The following FBF1 variants were observed in gnomAD, a reference collection of about 807,000 sequenced individuals.
FBF1 encodes the protein Fas binding factor 1, also known as fas-binding factor 1.
A neutral mutation model predicts 147.2 loss-of-function variants in FBF1; 119 were observed. That is an observed-to-expected ratio of 0.81 (90% CI 0.70 to 0.94). FBF1 has a LOEUF of 0.94. Ranked by LOEUF, FBF1 falls within the 40% of genes least tolerant of loss-of-function variation. The pLI is 0.00. For synonymous variants in FBF1, 601 were observed against 609.0 expected (o/e 0.99, Z 0.19); for missense variants, 1,449 against 1,500.8 (o/e 0.97, Z 0.57).
rs202059312 is a variant in FBF1 at position 75,920,262 on chromosome 17, G to A, written c.1830+12C>T. On this transcript the variant is annotated intron_variant, in intron 18 of 29. Coordinates refer to ENST00000636174, the MANE Select transcript of FBF1 (RefSeq NM_001319193.2). ...CCCTGCCACCAGCACCAACGGCCCC[G>A]CTGCCCCTCACCTGGGCCTCCAGCT... 167 of 1,605,332 alleles carry A rather than the reference G, an allele frequency of 1.0e-4. No individual in the cohort carries two copies. The highest frequency in any genetic ancestry group is 2.2e-5 in the East Asian group (1 of 44,730).
intron 4 of FBF1, among the ~76,000 whole-genome samples, chr17:75,933,439 G>C (rs946897963): frequency 6.6e-6 from 1 of 152,194 alleles, no homozygotes; most frequent in Non-Finnish European, 1.5e-5. Context: ...GTGGTGGTGG[G>C]TGCCTGTAAT....
intron 1 of FBF1, chr17:75,940,521 G>T (rs2065656824): frequency 6.6e-6 from 1 of 152,652 alleles, no homozygotes; most frequent in South Asian, 2.1e-4. Flanking sequence ...CTCCCAAAGT[G>T]TCGGGATTAC....
intron 13 of FBF1, among the ~76,000 whole-genome samples, chr17:75,924,435 G>C (rs2065547937): frequency 1.3e-5 from 2 of 152,170 alleles, no homozygotes; most frequent in Admixed American, 1.3e-4. Context: ...TGCTGAACCT[G>C]GGAAAGGATG....
At chr17:75,936,641 CT>C (rs1292127236) in intron 3 of FBF1, among the ~76,000 whole-genome samples, 5 of 151,936 alleles carry the variant, frequency 3.3e-5, no homozygotes, top group African/African-American at 1.2e-4. Flanking sequence ...CGCCATTGCA[CT>C]CTACCCCGGG....
Position 75,933,076 on chromosome 17 carries a change from T to C in FBF1, c.86A>G (p.Glu29Gly), listed in dbSNP as rs758196763. 9 of 1,601,454 alleles carry C rather than the reference T, an allele frequency of 5.6e-6. No homozygotes were observed. The South Asian group carries it at 9.9e-5, about 18-fold the overall frequency. Residue 29 changes from glutamate (E) to glycine (G), a missense_variant, in exon 5 of 30, where the codon GAG becomes GGG. Transcript: ENST00000636174. The part of the protein sequence containing the change: ...DLLGDDMTLP[E>G]KPVKLASHTR... Reference sequence around the variant, plus strand: ...ATGTGAAGCTAGTTTAACAGGCTTCTCAGGTAGTGTCACTGGAAAAAAAGA... The same window carrying C: ...ATGTGAAGCTAGTTTAACAGGCTTCCCAGGTAGTGTCACTGGAAAAAAAGA...
At position 75,928,538 on chromosome 17, in the gene FBF1, C is replaced by T. The variant is rs978696545; in HGVS notation, c.280-345G>A. Among the ~76,000 whole-genome samples, 6 of 151,930 alleles carry T rather than the reference C, an allele frequency of 3.9e-5. No individual in the cohort carries two copies. The highest frequency in any genetic ancestry group is 7.4e-5 in the Non-Finnish European group (5 of 68,002). On this transcript the variant is annotated intron_variant, in intron 7 of 29. Coordinates refer to ENST00000636174, the MANE Select transcript of FBF1 (RefSeq NM_001319193.2). This position sits in a 1 kb window ranked among gnomAD's most constrained non-coding sequence, Gnocchi z 4.2. The stretch of plus-strand genomic sequence containing the variant: ...TTTTTTAGACAGGATATTGGCCGGG[C>T]GCGGTGGCTCATGCCTAGAATCCCA...
Position 75,923,361 on chromosome 17 carries a change from AC to A in FBF1, c.1248del (p.Ser417ProfsTer22). On this transcript the variant is annotated frameshift_variant, in exon 14 of 30. Coordinates refer to ENST00000636174, the MANE Select transcript of FBF1 (RefSeq NM_001319193.2). LOFTEE classifies it high-confidence loss of function. This position sits in a 1 kb window ranked among gnomAD's most constrained non-coding sequence, Gnocchi z 4.1. ...GAAGCCTGGCTGGCTTTGGCAGGGG[AC>A]CCTGCACCTTCAGTTGGTGGCTTTG... Reference protein sequence around the residue: ...SRAKPPTEGAGSPAKASQASK... With the variant: ...SRAKPPTEGAXSPAKASQASK... 5 of 1,605,028 alleles carry A rather than the reference AC, an allele frequency of 3.1e-6. No individual in the cohort carries two copies. Among genetic ancestry groups the A allele is most frequent in the Non-Finnish European group, 4.3e-6 (5 of 1,176,382 alleles).
In FBF1 at chr17:75,917,982, TGGTGAGGTGCGAGGC is replaced by T. The variant is rs770147244; in HGVS notation, c.2320_2334del (p.Ala774_Thr778del). The T allele has an allele frequency of 1.2e-6, 2 of 1,609,472 alleles. No homozygotes were observed. Among genetic ancestry groups the T allele is most frequent in the South Asian group, 2.2e-5 (2 of 90,650 alleles). On this transcript the variant is annotated inframe_deletion, in exon 22 of 30. Transcript: ENST00000636174. Reference sequence around the variant, plus strand: ...ATCCCCAGCTCCCGCTCCTGGGAGGTGGTGAGGTGCGAGGCCTCCACGCGGGAGGACAACTCGTGC... The same window carrying T: ...ATCCCCAGCTCCCGCTCCTGGGAGGTCTCCACGCGGGAGGACAACTCGTGC...
chr17:75,938,895 A>G (rs1416377978), intron 1 of FBF1, among the ~76,000 whole-genome samples: 1 of 151,728 alleles, frequency 6.6e-6, no homozygotes, highest in Admixed American at 6.6e-5. Context: ...GTTTAACAGC[A>G]TGAATCCAAG....
At chr17:75,921,841 C>CGGGGAT (rs1342107792) in intron 15 of FBF1, 104 bp downstream of exon 15, 2 of 1,060,448 alleles carry the variant, frequency 1.9e-6, no homozygotes, top group Non-Finnish European at 2.7e-6. Flanking sequence ...GACACGGGGA[C>CGGGGAT]GGGGCAGGGG....
chr17:75,929,964 C>CCCCCCCTTAA (rs1598159938), intron 7 of FBF1, 33 bp downstream of exon 7: 5 of 1,402,202 alleles, frequency 3.6e-6, no homozygotes, highest in South Asian at 1.2e-5. Context: ...CACCCACCCC[C>CCCCCCCTTAA]AGTTCTAAGA....
rs908066311 is a variant in FBF1 at position 75,918,566 on chromosome 17, C to T, written c.2139-297G>A. Among the ~76,000 whole-genome samples the T allele has an allele frequency of 2.0e-5, 3 of 152,118 alleles. No homozygotes were observed. Among genetic ancestry groups the T allele is most frequent in the Non-Finnish European group, 2.9e-5 (2 of 68,022 alleles). ...AGGCTGGAGTTCAGTGGCATGATCT[C>T]GGCTCACTGCAACCTCTGCCTCCTG... On this transcript the variant is annotated intron_variant, in intron 20 of 29. Transcript: ENST00000636174. This position sits in a 1 kb window ranked among gnomAD's most constrained non-coding sequence, Gnocchi z 5.8.
In FBF1 at chr17:75,923,690, G is replaced by T. The variant is rs759684246; in HGVS notation, c.969-49C>A. ...CAGGCAGGGGAAACAGCCAGTCCCA[G>T]TGGCCCCCTAGCAGCCTGCAGCTGG... On this transcript the variant is annotated intron_variant, in intron 13 of 29. Transcript: ENST00000636174. The surrounding 1 kb of genome is among the most constrained non-coding windows in gnomAD (Gnocchi z 4.1). 2 of 1,500,356 alleles carry T rather than the reference G, an allele frequency of 1.3e-6. No homozygotes were observed. The highest frequency in any genetic ancestry group is 4.8e-5 in the East Asian group (2 of 41,500). 92.9% of individuals were successfully genotyped at this position (1,500,356 alleles called of 1,614,324 possible).
intron 8 of FBF1, 119 bp from the exon 9 acceptor site, chr17:75,927,651 T>G: frequency 1.2e-6 from 1 of 840,962 alleles, no homozygotes; most frequent in Non-Finnish European, 1.9e-6. Context: ...AGCTGGGGGC[T>G]CATGGCCATG....
chr17:75,931,751 C>T (rs1230425071), intron 5 of FBF1, among the ~76,000 whole-genome samples: 1 of 151,710 alleles, frequency 6.6e-6, no homozygotes, highest in African/African-American at 2.4e-5. Context: ...CCACTGCACT[C>T]CAGCCTGGGC....
chr17:75,913,958 C>T lies in FBF1; in HGVS notation c.3084G>A (p.Gln1028=). 1.3e-6 allele frequency: 2 copies of T among 1,553,216 alleles called. No individual in the cohort carries two copies. Among genetic ancestry groups the T allele is most frequent in the Admixed American group, 1.9e-5 (1 of 53,114 alleles). Reference sequence around the variant, plus strand: ...GCTTCCGCAGCCGCTCCTGCTGTTGCTGCACCGCCTGCAACCGGGCCTGCT... The same window carrying T: ...GCTTCCGCAGCCGCTCCTGCTGTTGTTGCACCGCCTGCAACCGGGCCTGCT... ...AEQQARLQAV[Q]QQQERLRKQE... The change falls in exon 27 of 30, where the codon CAG becomes CAA. Residue 1028 remains glutamine, a synonymous_variant. Transcript: ENST00000636174.
In FBF1 at chr17:75,938,156, G is replaced by C. The variant is rs762135287; in HGVS notation, c.-7C>G. 12 of 1,613,412 alleles carry C rather than the reference G, an allele frequency of 7.4e-6. No individual in the cohort carries two copies. Among genetic ancestry groups the C allele is most frequent in the Non-Finnish European group, 1.0e-5 (12 of 1,179,804 alleles). Reference sequence around the variant, plus strand: ...TCTGAACTCTGCCTACCATCTCACGGCTCTCGGGGGTGCTCTCAGCTCCTT... The same window carrying C: ...TCTGAACTCTGCCTACCATCTCACGCCTCTCGGGGGTGCTCTCAGCTCCTT... On this transcript the variant is annotated 5_prime_UTR_variant, in exon 2 of 30. Coordinates refer to ENST00000636174, the MANE Select transcript of FBF1 (RefSeq NM_001319193.2).
chr17:75,917,901 A>G (rs771963365), intron 22 of FBF1, 30 bp downstream of exon 22: 2 of 1,587,826 alleles, frequency 1.3e-6, no homozygotes, highest in Non-Finnish European at 1.7e-6. Flanking sequence ...TCCCACCAGG[A>G]GCCGGGGTGG....
chr17:75,921,560 C>T lies in FBF1; in HGVS notation c.1527G>A (p.Gly509=). ...ERPCVRPGVS[G]SPVTQNHAAS... ...CGGCATGGTTCTGAGTCACAGGGGACCTGAGGACACAGGGATGGGGCATGG... is the reference window on the plus strand; with the variant it reads ...CGGCATGGTTCTGAGTCACAGGGGATCTGAGGACACAGGGATGGGGCATGG... The change falls in exon 16 of 30, where the codon GGG becomes GGA. Residue 509 remains glycine, a splice_region_variant and synonymous_variant. Transcript: ENST00000636174. 6.2e-7 allele frequency: 1 copy of T among 1,611,250 alleles called. No homozygotes were observed.
Sources: allele counts gnomAD v4.1 joint callset (sites outside exome capture counted in the v4.1 genomes callset), GRCh38; gene constraint gnomAD v4.1.1; non-coding constraint Gnocchi (gnomAD v3.1); transcripts MANE v1.5; gene names NCBI Gene and HGNC (gene_info 2026-07-23, HGNC 2026-07-21).